Variants in DCC observed in about 807,000 individuals in gnomAD.
DCC encodes the protein netrin receptor DCC.
Under a neutral mutation model 172.5 loss-of-function variants are expected in DCC, and 58 were observed. That is an observed-to-expected ratio of 0.34 (90% confidence interval 0.27 to 0.42). DCC has a LOEUF of 0.42. Ranked by LOEUF, DCC falls within the 10% of genes least tolerant of loss-of-function variation. The pLI, the probability that DCC is intolerant of heterozygous loss-of-function variation, is 1.00. For synonymous variants in DCC, 709 were observed against 644.5 expected (o/e 1.10, Z -1.52); for missense variants, 1,740 against 1,791.0 (o/e 0.97, Z 0.51).
At chr18:53,131,953 A>ATTTTTTTTTTTTTTTTTTTTTTT (rs71175556) in intron 7 of DCC, among the ~76,000 whole-genome samples, 5 of 58,260 alleles carry the variant, frequency 8.6e-5, no homozygotes, top group Admixed American at 2.9e-4. Context: ...TCTCTAAGTG[A>ATTTTTTTTTTTTTTTTTTTTTTT]TTTTTTTTTT....
At chr18:52,902,669 T>G (rs2039826743) in intron 2 of DCC, among the ~76,000 whole-genome samples, 1 of 152,166 alleles carries the variant, frequency 6.6e-6, no homozygotes, top group Non-Finnish European at 1.5e-5. Flanking sequence ...AAGTTGATAG[T>G]CTATAATTTC....
intron 2 of DCC, among the ~76,000 whole-genome samples, chr18:52,833,716 T>A (rs1032945656): frequency 2.0e-5 from 3 of 152,184 alleles, no homozygotes; most frequent in African/African-American, 7.2e-5. Flanking sequence ...TTAAAAACTT[T>A]ACTTCCTGAC....
chr18:53,035,815 T>G (rs1042372564), intron 5 of DCC, among the ~76,000 whole-genome samples: 6 of 152,086 alleles, frequency 3.9e-5, no homozygotes, highest in Admixed American at 2.6e-4. Context: ...AGTGTATATT[T>G]GATCCAGTTT....
At chr18:52,635,782 T>C (rs2034765596) in intron 1 of DCC, among the ~76,000 whole-genome samples, 1 of 151,776 alleles carries the variant, frequency 6.6e-6, no homozygotes, top group Non-Finnish European at 1.5e-5. Context: ...GTTGCTTTCA[T>C]GTTTCATGCA....
chr18:52,764,221 A>G (rs923934526), intron 2 of DCC, among the ~76,000 whole-genome samples: 1 of 152,202 alleles, frequency 6.6e-6, no homozygotes, highest in African/African-American at 2.4e-5. Flanking sequence ...ACTTGTAAAT[A>G]TCATTGAAGC....
chr18:52,817,624 G>A (rs879890267), intron 2 of DCC, among the ~76,000 whole-genome samples: 2 of 152,028 alleles, frequency 1.3e-5, no homozygotes, highest in Non-Finnish European at 2.9e-5. Flanking sequence ...CTTAATGAGT[G>A]ATGACAATGA....
chr18:52,677,315 A>G (rs893637207), intron 1 of DCC, among the ~76,000 whole-genome samples: 2 of 152,172 alleles, frequency 1.3e-5, no homozygotes, highest in South Asian at 4.1e-4. Flanking sequence ...AAGTGTGCAT[A>G]CATTACAAAA....
rs116869567 is a variant in DCC at position 53,359,036 on chromosome 18, C to G, written c.2359+19129C>G. ...ACTTAAAGATAAAGTAAGATTCATC[C>G]TCATGGGACGATATGTTATGTACTG... On this transcript the variant is annotated intron_variant, in intron 15 of 28. Transcript: ENST00000442544. Among the ~76,000 whole-genome samples the G allele has an allele frequency of 7.2e-3, 1,094 of 152,156 alleles. 6 individuals are homozygous for G. The highest frequency in any genetic ancestry group is 0.012 in the Non-Finnish European group (817 of 68,000).
In DCC at chr18:52,509,535, T is replaced by A. The variant is rs542343135; in HGVS notation, c.91+168657T>A. 2.0e-5 allele frequency among the ~76,000 whole-genome samples: 3 copies of A among 152,180 alleles called. No individual in the cohort carries two copies. The South Asian group carries it at 6.2e-4, about 31-fold the overall frequency. ...CCCACAAAACTGAGGGAAGATTCCC[T>A]TTATGAGATGAATGTCAGCCCACAG... On this transcript the variant is annotated intron_variant, in intron 1 of 28. Coordinates refer to ENST00000442544, the MANE Select transcript of DCC (RefSeq NM_005215.4).
intron 12 of DCC, among the ~76,000 whole-genome samples, chr18:53,246,508 G>T (rs889199006): frequency 4.0e-5 from 6 of 151,362 alleles, no homozygotes; most frequent in African/African-American, 1.2e-4. Context: ...CTGGACTAAT[G>T]CAGTCACTTA....
At chr18:52,374,064 T>C (rs79383210) in intron 1 of DCC, among the ~76,000 whole-genome samples, 1 of 151,764 alleles carries the variant, frequency 6.6e-6, no homozygotes, top group Non-Finnish European at 1.5e-5. Context: ...GATTTTTTTT[T>C]TGTGTTTTTA....
intron 8 of DCC, among the ~76,000 whole-genome samples, chr18:53,170,051 G>A (rs571690768): frequency 3.3e-4 from 51 of 152,268 alleles, no homozygotes; most frequent in African/African-American, 1.2e-3. Flanking sequence ...TTAAAAACTC[G>A]TGGGAATCCT....
At chr18:53,130,543 C>T (rs1043929804) in intron 7 of DCC, among the ~76,000 whole-genome samples, 3 of 152,100 alleles carry the variant, frequency 2.0e-5, no homozygotes, top group Admixed American at 6.6e-5. Flanking sequence ...TACCTATTCT[C>T]TCCTGTCCAG....
At chr18:53,022,568 T>TGTGC (rs2143926083) in intron 5 of DCC, among the ~76,000 whole-genome samples, 1 of 152,042 alleles carries the variant, frequency 6.6e-6, no homozygotes, top group African/African-American at 2.4e-5. Context: ...TGTGTGTGTG[T>TGTGC]GTATCACTAA....
At chr18:53,032,043 A>G (rs921514355) in intron 5 of DCC, among the ~76,000 whole-genome samples, 6 of 152,150 alleles carry the variant, frequency 3.9e-5, no homozygotes, top group Admixed American at 3.9e-4. Flanking sequence ...AAATATGTAT[A>G]TTGTACTCAG....
chr18:52,411,744 A>G (rs540794973), intron 1 of DCC, among the ~76,000 whole-genome samples: 1 of 152,258 alleles, frequency 6.6e-6, no homozygotes, highest in South Asian at 2.1e-4. Context: ...CTGGGCACAA[A>G]TGTCTCTGTC....
At chr18:53,069,601 C>G (rs1008119070) in intron 7 of DCC, among the ~76,000 whole-genome samples, 1 of 144,316 alleles carries the variant, frequency 6.9e-6, no homozygotes, top group African/African-American at 2.6e-5. Flanking sequence ...GAAGAACTCA[C>G]AGAACTGCTC....
chr18:52,958,739 C>A (rs1011430812), intron 5 of DCC, among the ~76,000 whole-genome samples: 17 of 151,954 alleles, frequency 1.1e-4, no homozygotes, highest in Non-Finnish European at 1.6e-4. Context: ...AGGTGATATA[C>A]TCAGCTGGAG....
intron 2 of DCC, among the ~76,000 whole-genome samples, chr18:52,805,490 G>A (rs758010762): frequency 6.6e-6 from 1 of 152,206 alleles, no homozygotes; most frequent in Non-Finnish European, 1.5e-5. Flanking sequence ...GAGAAGGTAG[G>A]GAGGAGAGAG....
Sources: allele counts gnomAD v4.1 joint callset (sites outside exome capture counted in the v4.1 genomes callset), GRCh38; gene constraint gnomAD v4.1.1; transcripts MANE v1.5; gene names NCBI Gene and HGNC (gene_info 2026-07-23, HGNC 2026-07-21).